PTPRM: variants seen among roughly 807,000 people sequenced by gnomAD.
PTPRM encodes the protein protein tyrosine phosphatase receptor type M, also known as receptor-type tyrosine-protein phosphatase mu.
PTPRM carries 47 observed loss-of-function variants against 186.7 expected under a neutral mutation model. The observed-to-expected ratio is 0.25, with a 90% confidence interval of 0.20 to 0.32. The LOEUF (loss-of-function observed/expected upper bound fraction) is 0.32. Ranked by LOEUF, PTPRM falls within the 10% of genes least tolerant of loss-of-function variation. The pLI, the probability that PTPRM is intolerant of heterozygous loss-of-function variation, is 1.00. For missense variants in PTPRM, 1,494 were observed against 1,865.0 expected (o/e 0.80, Z 3.66); for synonymous variants, 668 against 674.9 (o/e 0.99, Z 0.16).
At chr18:7,688,164 C>T (rs911069995) in intron 1 of PTPRM, among the ~76,000 whole-genome samples, 54 of 152,264 alleles carry the variant, frequency 3.5e-4, no homozygotes, top group African/African-American at 5.5e-4. Context: ...CACACTCTCA[C>T]GTATCTGCTA....
chr18:8,128,421 A>G (rs896855412), intron 13 of PTPRM, among the ~76,000 whole-genome samples: 3 of 152,148 alleles, frequency 2.0e-5, no homozygotes, highest in Non-Finnish European at 4.4e-5. Flanking sequence ...TGAGATTTTC[A>G]GCATCTCTTT....
intron 1 of PTPRM, among the ~76,000 whole-genome samples, chr18:7,765,315 G>A (rs1296031113): frequency 1.3e-5 from 2 of 152,134 alleles, no homozygotes; most frequent in Non-Finnish European, 2.9e-5. Flanking sequence ...TCTTATAATA[G>A]AGCATAGCAT....
At chr18:8,400,867 C>CA (rs112582865) in intron 32 of PTPRM, among the ~76,000 whole-genome samples, 2,468 of 152,244 alleles carry the variant, frequency 0.016, 68 homozygotes, top group African/African-American at 0.057. Flanking sequence ...GCCTATTTAA[C>CA]GGCTGTGCAT....
intron 32 of PTPRM, among the ~76,000 whole-genome samples, chr18:8,397,686 T>C (rs2095851774): frequency 6.6e-6 from 1 of 152,148 alleles, no homozygotes. Flanking sequence ...CTCGCCTAGT[T>C]ATATTCAGAA....
chr18:8,217,989 C>T (rs1381747654), intron 14 of PTPRM, among the ~76,000 whole-genome samples: 3 of 152,120 alleles, frequency 2.0e-5, no homozygotes, highest in African/African-American at 7.2e-5. Context: ...AATTGGTGTG[C>T]TGTTACCCTT....
At chr18:8,116,034 C>T (rs1307458205) in intron 13 of PTPRM, among the ~76,000 whole-genome samples, 1 of 152,134 alleles carries the variant, frequency 6.6e-6, no homozygotes, top group Non-Finnish European at 1.5e-5. Context: ...ACCTAAGTGA[C>T]TTTATGTATA....
chr18:7,949,107 C>T (rs1297353812), intron 5 of PTPRM, 74 bp from the exon 6 acceptor site: 21 of 1,372,842 alleles, frequency 1.5e-5, no homozygotes, highest in Non-Finnish European at 2.0e-5. Flanking sequence ...GATAATATAC[C>T]ATTGGGTGTC....
rs1338361132 is a variant in PTPRM, at chr18:8,140,271, C to A, written c.2168-3376C>A. ...AAATTTGTGCAGCCAGTTCAGTAGT[C>A]AAAATTGGGCCCAGACCTCAAGCCA... On this transcript the variant is annotated intron_variant, in intron 13 of 32. Coordinates refer to ENST00000580170, the MANE Select transcript of PTPRM (RefSeq NM_001105244.2). 2.0e-5 allele frequency among the ~76,000 whole-genome samples: 3 copies of A among 152,040 alleles called. No homozygotes were observed. The South Asian group carries it at 6.2e-4, about 32-fold the overall frequency.
chr18:7,662,861 G>A (rs542946958), intron 1 of PTPRM, among the ~76,000 whole-genome samples: 1 of 151,968 alleles, frequency 6.6e-6, no homozygotes, highest in Non-Finnish European at 1.5e-5. Flanking sequence ...CTATTATAAT[G>A]TATCCACAAA....
intron 13 of PTPRM, among the ~76,000 whole-genome samples, chr18:8,128,266 GTAT>G (rs1377387415): frequency 1.3e-5 from 2 of 152,142 alleles, no homozygotes; most frequent in African/African-American, 4.8e-5. Flanking sequence ...GTCAAATGTA[GTAT>G]TCTGTAAATA....
At chr18:8,274,504 G>A (rs1365797815) in intron 19 of PTPRM, among the ~76,000 whole-genome samples, 1 of 152,182 alleles carries the variant, frequency 6.6e-6, no homozygotes, top group African/African-American at 2.4e-5. Context: ...AAAATTGTGT[G>A]AGTAGTGGCT....
chr18:8,370,651 A>AT (rs1396364685), intron 23 of PTPRM, among the ~76,000 whole-genome samples: 6 of 152,340 alleles, frequency 3.9e-5, no homozygotes, highest in African/African-American at 1.4e-4. Flanking sequence ...TGTGGTAAAA[A>AT]TACAATTTTT....
chr18:8,008,232 T>G (rs1340280968), intron 7 of PTPRM, among the ~76,000 whole-genome samples: 1 of 152,096 alleles, frequency 6.6e-6, no homozygotes, highest in Non-Finnish European at 1.5e-5. Context: ...TACCATAAAA[T>G]TGCAGAGGAT....
chr18:7,731,922 C>A (rs2040667178), intron 1 of PTPRM, among the ~76,000 whole-genome samples: 1 of 152,046 alleles, frequency 6.6e-6, no homozygotes, highest in Non-Finnish European at 1.5e-5. Flanking sequence ...TTATGTGTTG[C>A]CATCTTGAAT....
At chr18:7,682,022 A>G (rs914654828) in intron 1 of PTPRM, among the ~76,000 whole-genome samples, 3 of 152,152 alleles carry the variant, frequency 2.0e-5, no homozygotes, top group Admixed American at 6.5e-5. Flanking sequence ...ATGTTTATTC[A>G]TTTTACCTCT....
intron 1 of PTPRM, among the ~76,000 whole-genome samples, chr18:7,596,427 G>T (rs376594496): frequency 6.6e-6 from 1 of 152,126 alleles, no homozygotes; most frequent in African/African-American, 2.4e-5. Flanking sequence ...TATCCCATGG[G>T]CATTTCATCA....
At chr18:8,325,851 T>C (rs1192986884) in intron 22 of PTPRM, among the ~76,000 whole-genome samples, 2 of 152,198 alleles carry the variant, frequency 1.3e-5, no homozygotes, top group African/African-American at 4.8e-5. Context: ...TGTTATTTTT[T>C]CTTTTTAATA....
intron 3 of PTPRM, among the ~76,000 whole-genome samples, chr18:7,894,615 T>TTA (rs149543424): frequency 6.6e-6 from 1 of 151,548 alleles, no homozygotes; most frequent in Non-Finnish European, 1.5e-5. Flanking sequence ...ATATATTTTT[T>TTA]AATATTTTTT....
chr18:7,774,140 A>G lies in PTPRM; in HGVS notation c.74-9A>G, dbSNP rs1054742030. The G allele has an allele frequency of 4.4e-6, 7 of 1,602,680 alleles. No homozygotes were observed. Among genetic ancestry groups the G allele is most frequent in the Non-Finnish European group, 5.1e-6 (6 of 1,170,774 alleles). On this transcript the variant is annotated splice_polypyrimidine_tract_variant and intron_variant, in intron 1 of 32. Coordinates refer to ENST00000580170, the MANE Select transcript of PTPRM (RefSeq NM_001105244.2). ...TATTTACATTACTTTTTATTCTTTT[A>G]CATTTTAGGTGGCTGCCTCTTTGAT...
Sources: gnomAD v4.1 joint callset for allele counts (sites outside exome capture counted in the v4.1 genomes callset) on GRCh38, gnomAD v4.1.1 for gene constraint, MANE v1.5 for transcripts, NCBI Gene and HGNC (gene_info 2026-07-23, HGNC 2026-07-21) for gene names.